ATF7IP2: variants seen among roughly 807,000 people sequenced by gnomAD.
The protein encoded by ATF7IP2 is activating transcription factor 7-interacting protein 2.
In ATF7IP2, 42 loss-of-function variants were observed where a neutral mutation model predicts 64.2. The ratio of observed to expected loss-of-function variants is 0.65; its 90% CI spans 0.51 to 0.85. The LOEUF is 0.85. ATF7IP2 is among the 40% of genes least tolerant of loss of function. ATF7IP2 has a pLI of 0.00. For missense variants in ATF7IP2, 933 were observed against 784.2 expected, an observed-to-expected ratio of 1.19 and a Z score of -2.27; for synonymous variants, 308 against 272.8, an observed-to-expected ratio of 1.13 and a Z score of -1.27.
In ATF7IP2 at chr16:10,438,280, T is replaced by A. The variant is rs770222642; in HGVS notation, c.1095+45T>A. ...GAGTCTTTTTTAGGGGAGTAGGGGG[T>A]GTTGTTGCTCTGTTGCTCAGGCTGC... On this transcript the variant is annotated intron_variant, in intron 7 of 13. Transcript: ENST00000562102. 8.3e-6 allele frequency: 13 copies of A among 1,557,426 alleles called. No individual in the cohort carries two copies. The South Asian group carries it at 1.4e-4, about 16-fold the overall frequency.
intron 10 of ATF7IP2, among the ~76,000 whole-genome samples, chr16:10,472,855 C>CAAA (rs71133355): frequency 0.02 from 2,029 of 98,998 alleles, 59 homozygotes; most frequent in East Asian, 0.16. Context: ...GACTCCGTCT[C>CAAA]AAAAAAAAAA....
chr16:10,391,362 G>A (rs951424824), intron 1 of ATF7IP2, among the ~76,000 whole-genome samples: 7 of 152,002 alleles, frequency 4.6e-5, no homozygotes, highest in Admixed American at 6.6e-5. Flanking sequence ...CAGAGGTTGC[G>A]GTGAGCGGAG....
chr16:10,435,704 G>A (rs1054588448), intron 6 of ATF7IP2, among the ~76,000 whole-genome samples: 2 of 152,224 alleles, frequency 1.3e-5, no homozygotes, highest in Non-Finnish European at 2.9e-5. Context: ...TGAGCTAATA[G>A]TTGAAGACTG....
chr16:10,406,459 C>G (rs1475842499), intron 1 of ATF7IP2, among the ~76,000 whole-genome samples: 1 of 151,772 alleles, frequency 6.6e-6, no homozygotes, highest in Non-Finnish European at 1.5e-5. Context: ...AAAGCAAGAG[C>G]AAAGCAAACA....
chr16:10,460,689 C>G (rs934996007), intron 9 of ATF7IP2, among the ~76,000 whole-genome samples: 2 of 151,780 alleles, frequency 1.3e-5, no homozygotes, highest in Non-Finnish European at 2.9e-5. Flanking sequence ...CTTTGTAAAG[C>G]TATACAAAAA....
Position 10,480,820 on chromosome 16 carries a change from G to T in ATF7IP2, c.1550-59G>T, listed in dbSNP as rs1020159176. 2.9e-5 allele frequency: 32 copies of T among 1,113,626 alleles called. No individual in the cohort carries two copies. The African/African-American group carries it at 4.9e-4, about 17-fold the overall frequency. The allele number at this position is 1,113,626 out of a possible 1,614,324, so 69.0% of individuals were successfully genotyped here. A position where few individuals can be genotyped will look rare whatever the true frequency, so the allele number is the denominator to read the frequency against. On this transcript the variant is annotated intron_variant, in intron 12 of 13. Transcript: ENST00000562102. ...CCAAAGATGTAAACTATAGCTTAAA[G>T]GCTATGGAATTGATTATTGCAGATA...
chr16:10,395,200 A>G (rs976175971), intron 1 of ATF7IP2, among the ~76,000 whole-genome samples: 1 of 152,134 alleles, frequency 6.6e-6, no homozygotes, highest in Admixed American at 6.5e-5. Flanking sequence ...AATAATTCCA[A>G]TTGTATGGTA....
intron 9 of ATF7IP2, among the ~76,000 whole-genome samples, chr16:10,470,837 A>ATATATATG (rs1567173984): frequency 1.5e-5 from 2 of 137,242 alleles, no homozygotes; most frequent in Non-Finnish European, 3.0e-5. Context: ...ATATATATAT[A>ATATATATG]TGTGTGTGTA....
intron 8 of ATF7IP2, among the ~76,000 whole-genome samples, chr16:10,451,282 G>T (rs1037585692): frequency 1.3e-5 from 2 of 152,036 alleles, no homozygotes; most frequent in East Asian, 1.9e-4. Flanking sequence ...TGAATCTGAC[G>T]ATTATGTGTC....
chr16:10,480,048 G>A (rs1193689085), intron 12 of ATF7IP2, among the ~76,000 whole-genome samples: 1 of 133,190 alleles, frequency 7.5e-6, no homozygotes, highest in Non-Finnish European at 1.5e-5. Flanking sequence ...GAATGCAGTG[G>A]CTTGATCTTG....
Position 10,474,112 on chromosome 16 carries a change from G to A in ATF7IP2, c.1549+123G>A. 6 of 634,040 alleles carry A rather than the reference G, an allele frequency of 9.5e-6. No individual in the cohort carries two copies. The East Asian group carries it at 1.7e-4, about 18-fold the overall frequency. 39.3% of individuals were successfully genotyped at this position (634,040 alleles called of 1,614,324 possible). ...AGTGTGCCTATGTTTATATCTCTGT[G>A]CAGTTTTAGCTCATGTGCAGATTCA... On this transcript the variant is annotated intron_variant, in intron 12 of 13. Coordinates refer to ENST00000562102, the MANE Select transcript of ATF7IP2 (RefSeq NM_001393719.1).
intron 2 of ATF7IP2, 108 bp from the exon 3 acceptor site, chr16:10,419,473 G>T (rs982729252): frequency 6.5e-6 from 1 of 154,134 alleles, no homozygotes; most frequent in Non-Finnish European, 1.4e-5. Context: ...AAGTATAATT[G>T]TTCTCTGTGT....
intron 1 of ATF7IP2, among the ~76,000 whole-genome samples, chr16:10,395,507 G>A (rs2047404549): frequency 6.6e-6 from 1 of 152,176 alleles, no homozygotes; most frequent in South Asian, 2.1e-4. Flanking sequence ...ACTGCAGAAC[G>A]ATGTTTTTTT....
intron 8 of ATF7IP2, chr16:10,449,833 T>C (rs1255667512): frequency 6.6e-6 from 1 of 152,208 alleles, no homozygotes; most frequent in Non-Finnish European, 1.5e-5. Context: ...TCAGTTCTGC[T>C]CTGATCTTAG....
intron 7 of ATF7IP2, 67 bp from the exon 8 acceptor site, chr16:10,440,297 A>G (rs1236114158): frequency 1.7e-5 from 12 of 712,902 alleles, no homozygotes; most frequent in Non-Finnish European, 2.4e-5. Context: ...CAAATAATTT[A>G]CCCTCTATCT....
chr16:10,436,898 G>A (rs2048436823), intron 6 of ATF7IP2, among the ~76,000 whole-genome samples: 2 of 148,642 alleles, frequency 1.3e-5, no homozygotes, highest in African/African-American at 5.1e-5. Flanking sequence ...GGGCCAGTCT[G>A]TTTTCAAAAA....
chr16:10,439,229 T>C (rs1284790759), intron 7 of ATF7IP2, among the ~76,000 whole-genome samples: 6 of 152,060 alleles, frequency 3.9e-5, no homozygotes, highest in Non-Finnish European at 8.8e-5. Context: ...TTGAGTTTTT[T>C]GTTTTGTTTC....
intron 3 of ATF7IP2, among the ~76,000 whole-genome samples, chr16:10,420,972 A>G (rs1265187251): frequency 6.6e-6 from 1 of 152,238 alleles, no homozygotes; most frequent in Admixed American, 6.5e-5. Flanking sequence ...GGAGAATCCA[A>G]TTAGTTAATT....
intron 8 of ATF7IP2, among the ~76,000 whole-genome samples, chr16:10,444,272 C>T (rs1414982867): frequency 4.6e-5 from 7 of 151,964 alleles, no homozygotes; most frequent in Non-Finnish European, 8.8e-5. Context: ...GGTGTTGGCC[C>T]GGGAGTGACA....
Sources: gnomAD v4.1 joint callset for allele counts (sites outside exome capture counted in the v4.1 genomes callset) on GRCh38, gnomAD v4.1.1 for gene constraint, MANE v1.5 for transcripts, NCBI Gene and HGNC (gene_info 2026-07-23, HGNC 2026-07-21) for gene names.